EVA1A: variants seen among roughly 807,000 people sequenced by gnomAD.
EVA1A encodes protein eva-1 homolog A.
Under a neutral mutation model 9.8 loss-of-function variants are expected in EVA1A, and 7 were observed. The ratio of observed to expected loss-of-function variants is 0.71; its 90% CI spans 0.41 to 1.34. The LOEUF (loss-of-function observed/expected upper bound fraction) is 1.34. EVA1A is among the 40% of genes most tolerant of loss of function. EVA1A has a pLI of 0.01. For synonymous variants in EVA1A, 90 were observed against 85.6 expected (o/e 1.05, Z -0.28); for missense variants, 206 against 205.9 (o/e 1.00, Z 0.00).
intron 3 of EVA1A, among the ~76,000 whole-genome samples, chr2:75,514,884 T>C (rs1674950725): frequency 6.6e-6 from 1 of 152,190 alleles, no homozygotes; most frequent in Admixed American, 6.5e-5. Context: ...ATTGTCAAAT[T>C]ATTTTTTAGA....
At chr2:75,558,280 T>A (rs936047306) in intron 1 of EVA1A, among the ~76,000 whole-genome samples, 1 of 152,226 alleles carries the variant, frequency 6.6e-6, no homozygotes, top group African/African-American at 2.4e-5. Flanking sequence ...GGTACGCTAT[T>A]TCTTCTTACC....
intron 1 of EVA1A, among the ~76,000 whole-genome samples, chr2:75,536,365 C>G (rs371906066): frequency 3.9e-4 from 59 of 151,576 alleles, no homozygotes; most frequent in Non-Finnish European, 1.3e-4. Flanking sequence ...CACCTCCCCC[C>G]CAAATAAAAC....
At chr2:75,495,561 A>G (rs1674181147) in intron 3 of EVA1A, among the ~76,000 whole-genome samples, 1 of 152,212 alleles carries the variant, frequency 6.6e-6, no homozygotes, top group African/African-American at 2.4e-5. Context: ...TTCAATTCAA[A>G]TACAAAAACT....
intron 1 of EVA1A, among the ~76,000 whole-genome samples, chr2:75,525,164 T>C (rs973561393): frequency 6.6e-6 from 1 of 152,182 alleles, no homozygotes; most frequent in Non-Finnish European, 1.5e-5. Flanking sequence ...GAATATCTAT[T>C]GTTCTTTCTC....
intron 2 of EVA1A, among the ~76,000 whole-genome samples, chr2:75,519,285 T>C (rs1441890009): frequency 6.6e-6 from 1 of 152,034 alleles, no homozygotes; most frequent in African/African-American, 2.4e-5. Flanking sequence ...TCACAGAGTG[T>C]AGAAGGGTGT....
At chr2:75,566,383 G>A (rs576919669) in intron 1 of EVA1A, among the ~76,000 whole-genome samples, 3 of 152,032 alleles carry the variant, frequency 2.0e-5, no homozygotes, top group South Asian at 2.1e-4. Context: ...AGAAAGCAAA[G>A]TTTTACCTGT....
chr2:75,530,429 A>G (rs1383328168), intron 1 of EVA1A, among the ~76,000 whole-genome samples: 2 of 152,146 alleles, frequency 1.3e-5, no homozygotes, highest in African/African-American at 4.8e-5. Context: ...TAATACCAAA[A>G]CCAGGAAAAG....
Position 75,551,015 on chromosome 2 carries a change from T to C in EVA1A, c.-192+9665A>G, listed in dbSNP as rs541700090. On this transcript the variant is annotated intron_variant, in intron 1 of 3. Transcript: ENST00000393913. Reference sequence around the variant, plus strand: ...GTGTGTGTCTGTAATCCCAGCTACTTGGGATGCTGAGGCAGGAGAGTCACT... The same window carrying C: ...GTGTGTGTCTGTAATCCCAGCTACTCGGGATGCTGAGGCAGGAGAGTCACT... 2.3e-4 allele frequency among the ~76,000 whole-genome samples: 35 copies of C among 152,124 alleles called. No homozygotes were observed. In the South Asian group the frequency reaches 6.9e-3, roughly 30 times the overall value.
chr2:75,532,267 G>A (rs912663649), intron 1 of EVA1A, among the ~76,000 whole-genome samples: 6 of 151,266 alleles, frequency 4.0e-5, no homozygotes, highest in African/African-American at 1.5e-4. Flanking sequence ...AGAAAGGACA[G>A]GACACTTGGC....
intron 1 of EVA1A, among the ~76,000 whole-genome samples, chr2:75,548,434 C>T (rs1039644725): frequency 4.6e-5 from 7 of 152,140 alleles, no homozygotes; most frequent in Non-Finnish European, 8.8e-5. Flanking sequence ...CCTGCCTGGC[C>T]TCCTTGCTCA....
chr2:75,507,380 C>T (rs564338875), intron 3 of EVA1A, among the ~76,000 whole-genome samples: 1 of 152,322 alleles, frequency 6.6e-6, no homozygotes, highest in East Asian at 1.9e-4. Context: ...ATCTATGTGG[C>T]TAGGACTGCA....
chr2:75,547,728 A>G (rs936808028), intron 1 of EVA1A, among the ~76,000 whole-genome samples: 3 of 152,184 alleles, frequency 2.0e-5, no homozygotes, highest in Non-Finnish European at 4.4e-5. Flanking sequence ...AATTAAAGCA[A>G]TAGCTCCTAA....
chr2:75,505,405 C>T (rs1189882996), intron 3 of EVA1A, among the ~76,000 whole-genome samples: 2 of 152,168 alleles, frequency 1.3e-5, no homozygotes, highest in Non-Finnish European at 2.9e-5. Flanking sequence ...CAGTGTGTTG[C>T]CTCATGGTGC....
At chr2:75,522,617 A>G (rs188597450) in intron 1 of EVA1A, 130 bp from the exon 2 acceptor site, 2 of 152,426 alleles carry the variant, frequency 1.3e-5, no homozygotes, top group Admixed American at 6.5e-5. Flanking sequence ...TGGAAGGATG[A>G]ATAGCATCCC....
chr2:75,511,915 G>T (rs552015863), intron 3 of EVA1A, among the ~76,000 whole-genome samples: 2 of 152,112 alleles, frequency 1.3e-5, no homozygotes, highest in Non-Finnish European at 2.9e-5. Flanking sequence ...AGGTGATAAG[G>T]AGGAAAGAAT....
intron 1 of EVA1A, among the ~76,000 whole-genome samples, chr2:75,555,479 T>C (rs1254055396): frequency 6.6e-6 from 1 of 152,044 alleles, no homozygotes; most frequent in Non-Finnish European, 1.5e-5. Flanking sequence ...ACATAGCTCA[T>C]CAGCTAGGAC....
At chr2:75,521,861 T>C (rs1012461573) in intron 2 of EVA1A, among the ~76,000 whole-genome samples, 3 of 152,194 alleles carry the variant, frequency 2.0e-5, no homozygotes, top group African/African-American at 7.2e-5. Context: ...AAAAATTGTG[T>C]TGGTGAGGTA....
At chr2:75,554,182 A>G (rs913090402) in intron 1 of EVA1A, among the ~76,000 whole-genome samples, 1 of 152,186 alleles carries the variant, frequency 6.6e-6, no homozygotes, top group Non-Finnish European at 1.5e-5. Flanking sequence ...CCCCATCTGA[A>G]TGACAAGGGC....
At chr2:75,557,855 A>G (rs1211996079) in intron 1 of EVA1A, among the ~76,000 whole-genome samples, 1 of 152,272 alleles carries the variant, frequency 6.6e-6, no homozygotes, top group East Asian at 1.9e-4. Context: ...ATAGTCTTAA[A>G]TCACAAGCAT....
Sources: allele counts gnomAD v4.1 joint callset (sites outside exome capture counted in the v4.1 genomes callset), GRCh38; gene constraint gnomAD v4.1.1; transcripts MANE v1.5; gene names NCBI Gene and HGNC (gene_info 2026-07-23, HGNC 2026-07-21).